The following KCNH6 variants were observed in gnomAD, a reference collection of about 807,000 sequenced individuals.
KCNH6 encodes voltage-gated inwardly rectifying potassium channel KCNH6.
A neutral mutation model predicts 83.4 loss-of-function variants in KCNH6; 81 were observed. That is an observed-to-expected ratio of 0.97 (90% confidence interval 0.81 to 1.17). The LOEUF is 1.17. Among genes scored for constraint, KCNH6 ranks in the 50% most tolerant of loss-of-function variants. The pLI is 0.00. For missense variants in KCNH6, 1,203 were observed against 1,290.5 expected, an observed-to-expected ratio of 0.93 and a Z score of 1.04; for synonymous variants, 503 against 545.6, an observed-to-expected ratio of 0.92 and a Z score of 1.09.
chr17:63,546,695 A>T lies in KCNH6; in HGVS notation c.*793A>T, dbSNP rs2033155865. The T allele has an allele frequency of 6.6e-6, 1 of 152,280 alleles. No individual in the cohort carries two copies. Among genetic ancestry groups the T allele is most frequent in the Non-Finnish European group, 1.5e-5 (1 of 68,070 alleles). 9.4% of individuals were successfully genotyped at this position (152,280 alleles called of 1,614,324 possible). A position where few individuals can be genotyped will look rare whatever the true frequency, so the allele number is the denominator to read the frequency against. ...GGTCTCTTGAGGGCAGTGGAGTGTC[A>T]CACAGCTAATAAAGTACACATTTCA... On this transcript the variant is annotated 3_prime_UTR_variant, in exon 13 of 13. Transcript: ENST00000314672.
chr17:63,532,908 C>T (rs2032218624), intron 4 of KCNH6, among the ~76,000 whole-genome samples: 3 of 152,202 alleles, frequency 2.0e-5, no homozygotes, highest in African/African-American at 7.2e-5. Flanking sequence ...AGATGGATCT[C>T]ACTAACTACA....
chr17:63,531,819 G>A (rs992124444), intron 4 of KCNH6, among the ~76,000 whole-genome samples: 1 of 152,158 alleles, frequency 6.6e-6, no homozygotes, highest in Non-Finnish European at 1.5e-5. Flanking sequence ...CCATAGTCCC[G>A]GCACCTGCCC....
At chr17:63,530,037 G>A (rs1365156970) in intron 2 of KCNH6, 54 bp from the exon 3 acceptor site, 1 of 1,591,030 alleles carries the variant, frequency 6.3e-7, no homozygotes, top group Non-Finnish European at 8.6e-7. Context: ...CCAGGCCACT[G>A]CAGGAGGGGA....
At position 63,538,301 on chromosome 17, in the gene KCNH6, G is replaced by C; in HGVS notation, c.1701+37G>C. 6.2e-7 allele frequency: 1 copy of C among 1,608,594 alleles called. No homozygotes were observed. The highest frequency in any genetic ancestry group is 1.3e-5 in the African/African-American group (1 of 74,866). On this transcript the variant is annotated intron_variant, in intron 7 of 12. Transcript: ENST00000314672. This position sits in a 1 kb window ranked among gnomAD's most constrained non-coding sequence, Gnocchi z 4.0. ...CGCTCCGGCTAATGCCCCGGGCGTGGGGGGGAGCCAAGATCCTGCGGGGGC... is the reference window on the plus strand; with the variant it reads ...CGCTCCGGCTAATGCCCCGGGCGTGCGGGGGAGCCAAGATCCTGCGGGGGC...
chr17:63,531,390 T>C (rs796864169), intron 4 of KCNH6, among the ~76,000 whole-genome samples: 7 of 152,326 alleles, frequency 4.6e-5, no homozygotes, highest in African/African-American at 1.7e-4. Context: ...ATTGAGTAGT[T>C]CTGGCCCCAG....
In KCNH6 at chr17:63,538,067, C is replaced by G. The variant is rs34770814; in HGVS notation, c.1504C>G (p.Leu502Val). The change falls in exon 7 of 13, where the codon CTG becomes GTG. Residue 502 changes from leucine to valine, a missense_variant and splice_region_variant. Transcript: ENST00000314672. The surrounding 1 kb of genome is among the most constrained non-coding windows in gnomAD (Gnocchi z 4.0). ...CTCACTCTCCGCCCCGCCCCCAGCC[C>G]TGATGTACGCCAGCATCTTCGGGAA... ...FSICVMLIGS[L>V]MYASIFGNVS... 1 of 1,613,202 alleles carries G rather than the reference C, an allele frequency of 6.2e-7. No individual in the cohort carries two copies. Among genetic ancestry groups the G allele is most frequent in the South Asian group, 1.1e-5 (1 of 91,072 alleles).
Position 63,535,795 on chromosome 17 carries a change from C to T in KCNH6, c.1228C>T (p.Leu410Phe). Residue 410 changes from leucine (L) to phenylalanine (F), a missense_variant, in exon 6 of 13, where the codon CTC becomes TTC. By Grantham distance (22) the Leu-to-Phe change is conservative. Transcript: ENST00000314672. This position sits in a 1 kb window ranked among gnomAD's most constrained non-coding sequence, Gnocchi z 4.9. ...VLFLLMCTFA[L>F]IAHWLACIWY... is the part of the protein sequence containing the mutation. ...CTTCTTGCTCATGTGCACCTTCGCG[C>T]TCATAGCGCACTGGCTGGCCTGCAT... The T allele has an allele frequency of 6.2e-7, 1 of 1,614,258 alleles. No individual in the cohort carries two copies. Among genetic ancestry groups the T allele is most frequent in the South Asian group, 1.1e-5 (1 of 91,092 alleles).
rs753323751 is a variant in KCNH6 at position 63,545,653 on chromosome 17, G to C, written c.2628G>C (p.Arg876Ser). Residue 876 changes from arginine to serine, a missense_variant, in exon 13 of 13, where the codon AGG becomes AGC. Coordinates refer to ENST00000314672, the MANE Select transcript of KCNH6 (RefSeq NM_001278919.2). ...TGGATGACTGTAGTCCAAAGCACAG[G>C]AACTCCTCCCCCAGGATGCCTCACC... is the stretch of plus-strand genomic sequence containing the variant. ...GDLDDCSPKH[R>S]NSSPRMPHLA... The C allele has an allele frequency of 6.2e-7, 1 of 1,613,994 alleles. No individual in the cohort carries two copies. The highest frequency in any genetic ancestry group is 1.7e-5 in the Admixed American group (1 of 60,014).
chr17:63,547,607 C>A (rs1033642184), downstream of KCNH6, among the ~76,000 whole-genome samples: 3 of 152,088 alleles, frequency 2.0e-5, no homozygotes, highest in African/African-American at 7.2e-5. Context: ...TATTGGTATG[C>A]TTCAAAGCCT....
At chr17:63,541,871 G>C (rs2032880657) in intron 8 of KCNH6, among the ~76,000 whole-genome samples, 1 of 152,198 alleles carries the variant, frequency 6.6e-6, no homozygotes, top group Admixed American at 6.5e-5. Flanking sequence ...CACAGCACTG[G>C]CAGGCCAAGC....
intron 4 of KCNH6, 62 bp downstream of exon 4, chr17:63,530,604 CTCTGGGCCCAGGCCCT>C: frequency 5.3e-6 from 8 of 1,501,586 alleles, no homozygotes; most frequent in Admixed American, 1.7e-5. Context: ...CCCTCCCAGG[CTCTGGGCCCAGGCCCT>C]TCTGGGGCCT....
rs2147608437 is a variant in KCNH6 at position 63,523,387 on chromosome 17, G to T, written c.-27G>T. On this transcript the variant is annotated 5_prime_UTR_variant, in exon 1 of 13. Coordinates refer to ENST00000314672, the MANE Select transcript of KCNH6 (RefSeq NM_001278919.2). The surrounding 1 kb of genome is among the most constrained non-coding windows in gnomAD (Gnocchi z 4.2). ...ACGCCGGGAGCCAGTGGCGCCTGTGGCTCCGGGCAGGGGCCGCGGCCGAAA... is the reference window on the plus strand; with the variant it reads ...ACGCCGGGAGCCAGTGGCGCCTGTGTCTCCGGGCAGGGGCCGCGGCCGAAA... The T allele has an allele frequency of 6.3e-7, 1 of 1,574,908 alleles. No homozygotes were observed. The highest frequency in any genetic ancestry group is 8.6e-7 in the Non-Finnish European group (1 of 1,163,744).
At chr17:63,530,618 C>G (rs2032041987) in intron 4 of KCNH6, 76 bp downstream of exon 4, 1 of 1,314,374 alleles carries the variant, frequency 7.6e-7, no homozygotes, top group Non-Finnish European at 1.1e-6. Context: ...GGGCCCAGGC[C>G]CTTCTGGGGC....
rs2031503353 is a variant in KCNH6, at chr17:63,523,786, C to T, written c.76+297C>T. Among the ~76,000 whole-genome samples, 1 of 152,146 alleles carries T rather than the reference C, an allele frequency of 6.6e-6. No homozygotes were observed. ...CCCTTCCAGCCACTGCCTGCCCCCT[C>T]ATCCGCGTCCTCCAGAGGCTTCTCT... is the stretch of plus-strand genomic sequence containing the variant. On this transcript the variant is annotated intron_variant, in intron 1 of 12. Coordinates refer to ENST00000314672, the MANE Select transcript of KCNH6 (RefSeq NM_001278919.2). The surrounding 1 kb of genome is among the most constrained non-coding windows in gnomAD (Gnocchi z 4.2).
At chr17:63,527,142 C>T (rs1209011819) in intron 2 of KCNH6, among the ~76,000 whole-genome samples, 2 of 152,292 alleles carry the variant, frequency 1.3e-5, no homozygotes, top group African/African-American at 4.8e-5. Context: ...TCCCCTAATC[C>T]CCAAGCCAGA....
At chr17:63,531,114 G>A (rs967062787) in intron 4 of KCNH6, among the ~76,000 whole-genome samples, 2 of 152,122 alleles carry the variant, frequency 1.3e-5, no homozygotes, top group Non-Finnish European at 2.9e-5. Context: ...GAAGGACCCC[G>A]GCAGCTCCTC....
rs545958667 is a variant in KCNH6, at chr17:63,524,180, G to A, written c.118G>A (p.Ala40Thr). ...LIANAQMENC[A>T]IIYCNDGFCE... ...TGCCAATGCTCAGATGGAGAACTGC[G>A]CCATCATTTACTGCAACGACGGCTT... Residue 40 changes from alanine (A) to threonine (T), a missense_variant, in exon 2 of 13, where the codon GCC becomes ACC. Physicochemically the swap from Ala to Thr is moderately conservative, Grantham distance 58 (BLOSUM62 0). Transcript: ENST00000314672. The A allele has an allele frequency of 5.5e-5, 89 of 1,614,020 alleles. No individual in the cohort carries two copies. Among genetic ancestry groups the A allele is most frequent in the South Asian group, 1.3e-4 (12 of 91,086 alleles).
intron 10 of KCNH6, chr17:63,544,017 C>T: frequency 6.5e-7 from 1 of 1,541,228 alleles, no homozygotes; most frequent in Non-Finnish European, 8.8e-7. Flanking sequence ...GCCAGGGTCT[C>T]CCCATGAGCT....
intron 2 of KCNH6, among the ~76,000 whole-genome samples, chr17:63,529,663 A>T (rs1345679665): frequency 6.6e-6 from 1 of 152,200 alleles, no homozygotes. Context: ...CCTGCATCAC[A>T]GGAGCAGGGC....
Sources: gnomAD v4.1 joint callset for allele counts (sites outside exome capture counted in the v4.1 genomes callset) on GRCh38, gnomAD v4.1.1 for gene constraint, Gnocchi (gnomAD v3.1) non-coding constraint, MANE v1.5 for transcripts, NCBI Gene and HGNC (gene_info 2026-07-23, HGNC 2026-07-21) for gene names.